PLD5: variants seen among roughly 807,000 people sequenced by gnomAD.
PLD5 encodes the protein phospholipase D family member 5.
PLD5 carries 36 observed loss-of-function variants against 61.1 expected under a neutral mutation model. The observed-to-expected ratio is 0.59, with a 90% CI of 0.45 to 0.78. PLD5 has a LOEUF of 0.78. PLD5 is among the 30% of genes least tolerant of loss of function. The pLI is 0.00. For missense variants in PLD5, 515 were observed against 644.4 expected (o/e 0.80, Z 2.17); for synonymous variants, 243 against 242.8 (o/e 1.00, Z -0.01).
chr1:242,370,344 T>C (rs972872612), intron 1 of PLD5, among the ~76,000 whole-genome samples: 14 of 152,200 alleles, frequency 9.2e-5, no homozygotes, highest in Non-Finnish European at 4.4e-5. Context: ...GCACTGCGCT[T>C]ATAATACTGA....
At chr1:242,305,017 G>A (rs1574700861) in intron 2 of PLD5, among the ~76,000 whole-genome samples, 1 of 152,150 alleles carries the variant, frequency 6.6e-6, no homozygotes, top group East Asian at 1.9e-4. Context: ...GAGGTAGGAG[G>A]ATCATTTGAA....
At chr1:242,108,271 C>A (rs546089386) in intron 7 of PLD5, among the ~76,000 whole-genome samples, 2 of 151,240 alleles carry the variant, frequency 1.3e-5, no homozygotes, top group African/African-American at 4.9e-5. Context: ...AATGAACTTA[C>A]GCTCTGGTCA....
In PLD5 at chr1:242,317,130, C is replaced by T. The variant is rs148803489; in HGVS notation, c.327-28600G>A. On this transcript the variant is annotated intron_variant, in intron 2 of 9. Coordinates refer to ENST00000536534, the MANE Select transcript of PLD5 (RefSeq NM_001372062.1). Reference sequence around the variant, plus strand: ...TCAAGTAATTCTCCTGCCTCAGCCTCCCAAGTAGCTGTAATCCCAATTACA... The same window carrying T: ...TCAAGTAATTCTCCTGCCTCAGCCTTCCAAGTAGCTGTAATCCCAATTACA... Among the ~76,000 whole-genome samples, 60 of 152,144 alleles carry T rather than the reference C, an allele frequency of 3.9e-4. 2 individuals are homozygous for T. In the East Asian group the frequency reaches 0.011, roughly 28 times the overall value.
At chr1:242,371,950 C>G (rs1360265816) in intron 1 of PLD5, among the ~76,000 whole-genome samples, 1 of 151,792 alleles carries the variant, frequency 6.6e-6, no homozygotes, top group Non-Finnish European at 1.5e-5. Flanking sequence ...ATGTGTCATG[C>G]TGCTTTGCTG....
At chr1:242,261,201 A>G (rs938388034) in intron 4 of PLD5, among the ~76,000 whole-genome samples, 4 of 152,244 alleles carry the variant, frequency 2.6e-5, no homozygotes, top group African/African-American at 7.2e-5. Context: ...AAATACGGTA[A>G]AGAATTCAAA....
chr1:242,090,840 G>C (rs1454938192), intron 9 of PLD5, among the ~76,000 whole-genome samples: 1 of 152,194 alleles, frequency 6.6e-6, no homozygotes, highest in Non-Finnish European at 1.5e-5. Flanking sequence ...ACTGTGGGGA[G>C]GGATCTGTTC....
chr1:242,298,950 G>A (rs1011788318), intron 2 of PLD5, among the ~76,000 whole-genome samples: 9 of 152,024 alleles, frequency 5.9e-5, no homozygotes, highest in African/African-American at 1.2e-4. Flanking sequence ...TGTGGCAAAG[G>A]AGCAGGGACC....
chr1:242,363,748 A>G (rs1001980938), intron 1 of PLD5, among the ~76,000 whole-genome samples: 2 of 152,196 alleles, frequency 1.3e-5, no homozygotes, highest in African/African-American at 4.8e-5. Context: ...ACTATATTCT[A>G]TATGTTTGAG....
In PLD5 at chr1:242,260,951, A is replaced by G. The variant is rs530204999; in HGVS notation, c.607+4386T>C. Among the ~76,000 whole-genome samples, 7 of 152,368 alleles carry G rather than the reference A, an allele frequency of 4.6e-5. No homozygotes were observed. In the South Asian group the frequency reaches 8.3e-4, roughly 18 times the overall value. ...CTATAGGCATGAAGTAAAAGATTCA[A>G]TATTGTCCATGTCAATTTTCACCAA... is the stretch of plus-strand genomic sequence containing the variant. On this transcript the variant is annotated intron_variant, in intron 4 of 9. Coordinates refer to ENST00000536534, the MANE Select transcript of PLD5 (RefSeq NM_001372062.1).
At chr1:242,488,366 C>T (rs904195831) in intron 1 of PLD5, among the ~76,000 whole-genome samples, 1 of 152,096 alleles carries the variant, frequency 6.6e-6, no homozygotes, top group African/African-American at 2.4e-5. Flanking sequence ...TATAGGTATA[C>T]AATAGAATAT....
rs1394784228 is a variant in PLD5 at position 242,524,368 on chromosome 1, G to A, written c.-92C>T. On this transcript the variant is annotated 5_prime_UTR_variant, in exon 1 of 10. Transcript: ENST00000536534. ...GGAGGGCGAGCGGGAGGCCCAGCGG[G>A]AGCCGGAGGTGGAGCTGGAGACTGA... 12 of 1,226,154 alleles carry A rather than the reference G, an allele frequency of 9.8e-6. No individual in the cohort carries two copies. Among genetic ancestry groups the A allele is most frequent in the African/African-American group, 8.0e-5 (5 of 62,296 alleles). The allele number at this position is 1,226,154 out of a possible 1,614,324, so 76.0% of individuals were successfully genotyped here. A position where few individuals can be genotyped will look rare whatever the true frequency, so the allele number is the denominator to read the frequency against.
intron 2 of PLD5, among the ~76,000 whole-genome samples, chr1:242,315,616 G>A (rs994390249): frequency 1.1e-4 from 16 of 152,102 alleles, no homozygotes; most frequent in East Asian, 3.9e-4. Context: ...AGTCCTCAAC[G>A]GCAGTTGCCT....
At chr1:242,144,698 T>G (rs544342961) in intron 5 of PLD5, among the ~76,000 whole-genome samples, 1 of 152,246 alleles carries the variant, frequency 6.6e-6, no homozygotes, top group African/African-American at 2.4e-5. Context: ...GGAGGATCAC[T>G]TGAACCTGGG....
At chr1:242,181,550 A>G (rs1667514487) in intron 5 of PLD5, among the ~76,000 whole-genome samples, 1 of 152,196 alleles carries the variant, frequency 6.6e-6, no homozygotes, top group Admixed American at 6.5e-5. Context: ...ACTGCTGTAG[A>G]GAACATTAAA....
intron 2 of PLD5, among the ~76,000 whole-genome samples, chr1:242,300,575 G>A (rs942580783): frequency 6.6e-6 from 1 of 152,076 alleles, no homozygotes; most frequent in African/African-American, 2.4e-5. Context: ...GCAGAGTTGG[G>A]GGGACGGCAA....
chr1:242,092,937 A>G (rs1221171767), intron 9 of PLD5, among the ~76,000 whole-genome samples: 1 of 152,080 alleles, frequency 6.6e-6, no homozygotes, highest in Non-Finnish European at 1.5e-5. Flanking sequence ...TCCCTAAACC[A>G]AATATCAGCA....
At chr1:242,386,554 G>T (rs1662613029) in intron 1 of PLD5, among the ~76,000 whole-genome samples, 1 of 152,180 alleles carries the variant, frequency 6.6e-6, no homozygotes, top group African/African-American at 2.4e-5. Context: ...AGGCAAATGT[G>T]TCCCAAGCAT....
chr1:242,316,277 A>G (rs1214185279), intron 2 of PLD5, among the ~76,000 whole-genome samples: 1 of 152,180 alleles, frequency 6.6e-6, no homozygotes, highest in Non-Finnish European at 1.5e-5. Flanking sequence ...AAATTTTGAG[A>G]CGCCATTTTG....
intron 5 of PLD5, among the ~76,000 whole-genome samples, chr1:242,207,900 ATATT>A (rs1558344464): frequency 4.6e-4 from 4 of 8,658 alleles, no homozygotes; most frequent in African/African-American, 2.0e-3. Flanking sequence ...ATATATTTAT[ATATT>A]TATATATATT....
Sources: gnomAD v4.1 joint callset for allele counts (sites outside exome capture counted in the v4.1 genomes callset) on GRCh38, gnomAD v4.1.1 for gene constraint, MANE v1.5 for transcripts, NCBI Gene and HGNC (gene_info 2026-07-23, HGNC 2026-07-21) for gene names.